STK10: variants seen among roughly 807,000 people sequenced by gnomAD.
STK10 encodes serine/threonine kinase 10.
STK10 carries 78 observed loss-of-function variants against 113.8 expected under a neutral mutation model. The observed-to-expected ratio is 0.69, with a 90% CI of 0.57 to 0.83. STK10 has a LOEUF of 0.83. Among genes scored for constraint, STK10 ranks in the 40% least tolerant of loss-of-function variants. STK10 has a pLI of 0.00. For synonymous variants in STK10, 465 were observed against 494.7 expected (o/e 0.94, Z 0.80); for missense variants, 1,109 against 1,280.1 (o/e 0.87, Z 2.04).
chr5:172,073,922 G>A (rs938208950), intron 12 of STK10, among the ~76,000 whole-genome samples: 1 of 151,044 alleles, frequency 6.6e-6, no homozygotes, highest in East Asian at 1.9e-4. Flanking sequence ...CCAAGATCAC[G>A]CCACTACACT....
chr5:172,076,054 C>T (rs1404427418), intron 12 of STK10, among the ~76,000 whole-genome samples: 1 of 152,122 alleles, frequency 6.6e-6, no homozygotes, highest in Admixed American at 6.6e-5. Context: ...AATCCTTCTC[C>T]TATGTTCTTT....
chr5:172,043,731 C>T lies in STK10; in HGVS notation c.*1151G>A, dbSNP rs1468876763. The T allele has an allele frequency of 6.6e-6, 1 of 152,216 alleles. No homozygotes were observed. Among genetic ancestry groups the T allele is most frequent in the African/African-American group, 2.4e-5 (1 of 41,454 alleles). 9.4% of individuals were successfully genotyped at this position (152,216 alleles called of 1,614,324 possible). On this transcript the variant is annotated 3_prime_UTR_variant, in exon 19 of 19. Transcript: ENST00000176763. Reference sequence around the variant, plus strand: ...GCCCAGCAGGAGTCCATCTGAGGTACAGAACCTGTGCTTCTGCCATGTTCC... The same window carrying T: ...GCCCAGCAGGAGTCCATCTGAGGTATAGAACCTGTGCTTCTGCCATGTTCC...
At chr5:172,088,254 G>A (rs145159859) in intron 10 of STK10, among the ~76,000 whole-genome samples, 2,165 of 152,156 alleles carry the variant, frequency 0.014, 54 homozygotes, top group African/African-American at 0.049. Flanking sequence ...GGCCGGGCGC[G>A]GTGGCTCACA....
At chr5:172,089,924 G>A (rs1645730079) in intron 10 of STK10, among the ~76,000 whole-genome samples, 2 of 151,966 alleles carry the variant, frequency 1.3e-5, no homozygotes, top group South Asian at 4.2e-4. Context: ...TGAGTGGGTA[G>A]ATAGGTGGAT....
chr5:172,106,715 G>A lies in STK10; in HGVS notation c.693C>T (p.Ala231=), dbSNP rs754306079. The part of the protein sequence containing the change: ...WSLGITLIEM[A]QIEPPHHELN... ...GCTCGTGGTGTGGCGGCTCGATCTG[G>A]GCCATCTCAATCAGCGTGATGCCCA... Residue 231 remains alanine (A), a synonymous_variant, in exon 6 of 19, where the codon GCC becomes GCT. Transcript: ENST00000176763. 5 of 1,614,138 alleles carry A rather than the reference G, an allele frequency of 3.1e-6. No homozygotes were observed. The highest frequency in any genetic ancestry group is 3.3e-4 in the Middle Eastern group (2 of 6,030).
chr5:172,178,010 T>C (rs1339478736), intron 1 of STK10, among the ~76,000 whole-genome samples: 3 of 152,130 alleles, frequency 2.0e-5, no homozygotes, highest in Admixed American at 6.5e-5. Flanking sequence ...GTATTTTTAG[T>C]ACAGATGAAG....
chr5:172,061,587 G>T (rs886079710), intron 13 of STK10: 3 of 198,558 alleles, frequency 1.5e-5, no homozygotes, highest in South Asian at 8.0e-5. Flanking sequence ...GAGTAGCTGG[G>T]ATTATAGGTG....
chr5:172,084,971 G>A (rs544631706), intron 10 of STK10, among the ~76,000 whole-genome samples: 6 of 152,070 alleles, frequency 3.9e-5, no homozygotes, highest in South Asian at 2.1e-4. Context: ...TAGGCCATGC[G>A]TGGTGGCCCA....
chr5:172,057,318 G>A, intron 15 of STK10, 31 bp downstream of exon 15: 1 of 1,574,140 alleles, frequency 6.4e-7, no homozygotes. Flanking sequence ...CCCGGCAGCA[G>A]ATCCGAGCCC....
chr5:172,166,744 C>A (rs17074365), intron 1 of STK10, among the ~76,000 whole-genome samples: 15,985 of 152,110 alleles, frequency 0.11, 1,252 homozygotes, highest in African/African-American at 0.22. Flanking sequence ...GCATTACTGA[C>A]AAGAATAGAA....
At chr5:172,121,878 T>C (rs7700477) in intron 3 of STK10, among the ~76,000 whole-genome samples, 1,807 of 151,954 alleles carry the variant, frequency 0.012, 41 homozygotes, top group African/African-American at 0.04. Context: ...TATACTTTTT[T>C]TTTTTTTTTT....
intron 2 of STK10, among the ~76,000 whole-genome samples, chr5:172,138,278 C>G (rs975123610): frequency 6.6e-6 from 1 of 152,106 alleles, no homozygotes. Context: ...TGTGCCACCA[C>G]GCCTGGCTAA....
At chr5:172,066,568 C>T (rs1768074471) in intron 12 of STK10, among the ~76,000 whole-genome samples, 1 of 152,110 alleles carries the variant, frequency 6.6e-6, no homozygotes, top group African/African-American at 2.4e-5. Context: ...AGGTGGATCA[C>T]TTGAGGTCAG....
intron 7 of STK10, among the ~76,000 whole-genome samples, chr5:172,102,698 T>C (rs540893416): frequency 3.9e-5 from 6 of 152,232 alleles, no homozygotes; most frequent in African/African-American, 7.2e-5. Flanking sequence ...GGCTGACCCA[T>C]GGCACAGAAA....
intron 1 of STK10, among the ~76,000 whole-genome samples, chr5:172,175,083 A>C (rs1490738735): frequency 1.3e-5 from 2 of 152,130 alleles, no homozygotes; most frequent in Non-Finnish European, 2.9e-5. Flanking sequence ...TGGTGTGATC[A>C]CAGCTCACTG....
At chr5:172,141,166 A>T (rs1378755894) in intron 2 of STK10, among the ~76,000 whole-genome samples, 1 of 152,248 alleles carries the variant, frequency 6.6e-6, no homozygotes, top group Non-Finnish European at 1.5e-5. Context: ...GTTAAGCCAG[A>T]TGAATAAGCT....
At chr5:172,078,149 GAGA>G (rs915447074) in intron 12 of STK10, among the ~76,000 whole-genome samples, 1 of 152,244 alleles carries the variant, frequency 6.6e-6, no homozygotes, top group Non-Finnish European at 1.5e-5. Flanking sequence ...TTTGGAATCA[GAGA>G]AGGAGTTCTT....
intron 18 of STK10, among the ~76,000 whole-genome samples, chr5:172,049,902 A>C (rs1290536529): frequency 6.6e-6 from 1 of 152,196 alleles, no homozygotes; most frequent in Non-Finnish European, 1.5e-5. Flanking sequence ...CGCCGGGTTC[A>C]AGTGATTCTC....
chr5:172,065,507 G>T (rs1228380806), intron 12 of STK10, among the ~76,000 whole-genome samples: 1 of 152,108 alleles, frequency 6.6e-6, no homozygotes, highest in Non-Finnish European at 1.5e-5. Context: ...TTACAGGCAT[G>T]TGCCACCGCG....
Sources: gnomAD v4.1 joint callset for allele counts (sites outside exome capture counted in the v4.1 genomes callset) on GRCh38, gnomAD v4.1.1 for gene constraint, MANE v1.5 for transcripts, NCBI Gene and HGNC (gene_info 2026-07-23, HGNC 2026-07-21) for gene names.